The following TTBK2 variants were observed in gnomAD, a reference collection of about 807,000 sequenced individuals.
The protein encoded by TTBK2 is tau tubulin kinase 2.
In TTBK2, 28 loss-of-function variants were observed where a neutral mutation model predicts 110.8. The ratio of observed to expected loss-of-function variants is 0.25; its 90% CI spans 0.19 to 0.35. The LOEUF is 0.35. Ranked by LOEUF, TTBK2 falls within the 10% of genes least tolerant of loss-of-function variation. The pLI is 1.00. For synonymous variants in TTBK2, 532 were observed against 527.3 expected, an observed-to-expected ratio of 1.01 and a Z score of -0.12; for missense variants, 1,369 against 1,500.3, an observed-to-expected ratio of 0.91 and a Z score of 1.45.
chr15:42,879,534 T>C (rs1455293279), intron 1 of TTBK2, among the ~76,000 whole-genome samples: 1 of 151,980 alleles, frequency 6.6e-6, no homozygotes, highest in Non-Finnish European at 1.5e-5. Flanking sequence ...CTAGGCCACA[T>C]ACTGTATTCT....
chr15:42,767,589 A>G (rs144453618), intron 13 of TTBK2, among the ~76,000 whole-genome samples: 8,166 of 152,236 alleles, frequency 0.054, 627 homozygotes, highest in African/African-American at 0.16. Flanking sequence ...GAGTAGACCA[A>G]TAACAGGCTC....
intron 13 of TTBK2, among the ~76,000 whole-genome samples, chr15:42,767,623 G>A (rs1381273780): frequency 6.6e-6 from 1 of 152,090 alleles, no homozygotes; most frequent in Non-Finnish European, 1.5e-5. Context: ...ATAATTAATA[G>A]CCTACCAACC....
intron 8 of TTBK2, 25 bp from the exon 9 acceptor site, chr15:42,810,764 T>A: frequency 6.2e-7 from 1 of 1,612,834 alleles, no homozygotes; most frequent in East Asian, 2.2e-5. Flanking sequence ...GAAAAAGAGC[T>A]ACAGTCAATT....
At chr15:42,762,472 C>T (rs1416456690) in intron 13 of TTBK2, among the ~76,000 whole-genome samples, 4 of 152,156 alleles carry the variant, frequency 2.6e-5, no homozygotes, top group Non-Finnish European at 5.9e-5. Context: ...AATCCCAGAA[C>T]TTTGAAAGGC....
chr15:42,751,806 G>GA (rs2061869216), intron 14 of TTBK2, among the ~76,000 whole-genome samples, 168 bp downstream of exon 14: 2 of 152,180 alleles, frequency 1.3e-5, no homozygotes, highest in African/African-American at 4.8e-5. Flanking sequence ...CAATAAATTG[G>GA]AAAAAATCTG....
Position 42,878,653 on chromosome 15 carries a change from C to A in TTBK2, c.-36G>T. The A allele has an allele frequency of 1.9e-6, 3 of 1,613,676 alleles. No individual in the cohort carries two copies. ...TGATATGGTAGAACAGCTACACAGG[C>A]ATCCAGTTCCCAAGGGTGGTTTCCA... On this transcript the variant is annotated 5_prime_UTR_variant, in exon 2 of 15. It removes an upstream start codon present in the reference 5' UTR. Coordinates refer to ENST00000267890, the MANE Select transcript of TTBK2 (RefSeq NM_173500.4).
chr15:42,752,027 G>T lies in TTBK2; in HGVS notation c.3219C>A (p.Phe1073Leu). ...GCTTTCCTGGTGGTGGCCGAGGAAA[G>T]AACTGAGACGAAGTTGAGCTATTGA... ...DQVNSSTSSQ[F>L]FPRPPPGKPP... The change falls in exon 14 of 15, where the codon TTC (phenylalanine) becomes TTA (leucine). Residue 1073 changes from phenylalanine to leucine, a missense_variant. Transcript: ENST00000267890. 6.2e-7 allele frequency: 1 copy of T among 1,614,224 alleles called. No individual in the cohort carries two copies. The highest frequency in any genetic ancestry group is 8.5e-7 in the Non-Finnish European group (1 of 1,180,034).
chr15:42,816,340 C>G (rs1213682149), intron 7 of TTBK2, among the ~76,000 whole-genome samples: 1 of 150,974 alleles, frequency 6.6e-6, no homozygotes, highest in Non-Finnish European at 1.5e-5. Context: ...TGGTCTCAAA[C>G]TCCTGACCTT....
chr15:42,800,744 G>C (rs1891149247), intron 9 of TTBK2, among the ~76,000 whole-genome samples: 1 of 151,196 alleles, frequency 6.6e-6, no homozygotes, highest in Non-Finnish European at 1.5e-5. Context: ...GGCAGAGCTA[G>C]CCGAGGTTTA....
chr15:42,775,277 G>A lies in TTBK2; in HGVS notation c.1856C>T (p.Ala619Val), dbSNP rs1889858636. The change falls in exon 13 of 15, where the codon GCA (alanine) becomes GTA (valine). Residue 619 changes from alanine (A) to valine (V), a missense_variant. By Grantham distance (64) the Ala-to-Val change is moderately conservative. Around this residue, in one of 4 missense-constraint regions of TTBK2, gnomAD observed 1,097 missense variants for 1,114.7 expected, o/e 0.98. Transcript: ENST00000267890. ...LKKETSGVVL[A>V]LSAEGPPTAA... ...AGTAGGAGGACCCTCTGCAGAAAGT[G>A]CTAAGACCACACCTGAGGTTTCCTT... 6.2e-7 allele frequency: 1 copy of A among 1,614,196 alleles called. No individual in the cohort carries two copies. The highest frequency in any genetic ancestry group is 1.1e-5 in the South Asian group (1 of 91,074).
chr15:42,802,724 G>A (rs1891277760), intron 9 of TTBK2, among the ~76,000 whole-genome samples: 1 of 152,216 alleles, frequency 6.6e-6, no homozygotes, highest in Non-Finnish European at 1.5e-5. Flanking sequence ...ACAGTGTACT[G>A]TGATGGTTAA....
intron 3 of TTBK2, among the ~76,000 whole-genome samples, chr15:42,860,966 A>G (rs1179860332): frequency 6.6e-6 from 1 of 152,042 alleles, no homozygotes; most frequent in Non-Finnish European, 1.5e-5. Context: ...GGGTATTCTT[A>G]TATCAGACAA....
rs1567040856 is a variant in TTBK2 at position 42,816,092 on chromosome 15, AT to A, written c.603+939del. On this transcript the variant is annotated intron_variant, in intron 7 of 14. Transcript: ENST00000267890. ...TATAAAAATAAATAAATAAATATAT[AT>A]ATATATATATATATATATATATATA... Among the ~76,000 whole-genome samples the A allele has an allele frequency of 9.3e-5, 10 of 108,012 alleles. No individual in the cohort carries two copies. In the East Asian group the frequency reaches 2.6e-3, roughly 29 times the overall value. The allele number at this position is 108,012 out of a possible 152,430, so 70.9% of individuals were successfully genotyped here.
rs761383332 is a variant in TTBK2 at position 42,810,724 on chromosome 15, T to C, written c.712A>G (p.Ile238Val). 3 of 1,613,808 alleles carry C rather than the reference T, an allele frequency of 1.9e-6. No homozygotes were observed. Among genetic ancestry groups the C allele is most frequent in the Middle Eastern group, 1.7e-4 (1 of 6,058 alleles). The change falls in exon 9 of 15, where the codon ATT becomes GTT. Residue 238 changes from isoleucine (I) to valine (V), a missense_variant. Transcript: ENST00000267890. Reference protein sequence around the residue: ...KIKDKEQVGSIKERYDHRLML... With the variant: ...KIKDKEQVGSVKERYDHRLML... ...AGCCTGTGGTCATATCTCTCCTTAA[T>C]AGAGCCTACTTGCTCCTGGGAAGTA...
At chr15:42,818,301 C>T (rs1397656053) in intron 6 of TTBK2, among the ~76,000 whole-genome samples, 2 of 152,160 alleles carry the variant, frequency 1.3e-5, no homozygotes, top group African/African-American at 2.4e-5. Context: ...AAACTCTGTG[C>T]GGGCGAGGTC....
intron 13 of TTBK2, among the ~76,000 whole-genome samples, chr15:42,774,434 C>G (rs1889811681): frequency 6.6e-6 from 1 of 152,166 alleles, no homozygotes; most frequent in Non-Finnish European, 1.5e-5. Context: ...TTACTGGTAA[C>G]AGGATAACAG....
chr15:42,749,293 T>C (rs1387666113), intron 14 of TTBK2, among the ~76,000 whole-genome samples: 1 of 152,172 alleles, frequency 6.6e-6, no homozygotes, highest in Non-Finnish European at 1.5e-5. Flanking sequence ...TAGGAATCTG[T>C]CTCCCCACCT....
In TTBK2 at chr15:42,744,589, G is replaced by A. The variant is rs2061769325; in HGVS notation, c.*1206C>T. ...TAGAACAAATATCTTCCTCTTTACAGCTTCGTAAATTGAGATTGTATGAAA... is the reference window on the plus strand; with the variant it reads ...TAGAACAAATATCTTCCTCTTTACAACTTCGTAAATTGAGATTGTATGAAA... On this transcript the variant is annotated 3_prime_UTR_variant, in exon 15 of 15. Transcript: ENST00000267890. The A allele has an allele frequency of 6.6e-6, 1 of 152,084 alleles. No homozygotes were observed. Among genetic ancestry groups the A allele is most frequent in the Admixed American group, 6.6e-5 (1 of 15,266 alleles). 9.4% of individuals were successfully genotyped at this position (152,084 alleles called of 1,614,324 possible). A position where few individuals can be genotyped will look rare whatever the true frequency, so the allele number is the denominator to read the frequency against.
At chr15:42,892,679 TG>T (rs1895504052) in intron 1 of TTBK2, among the ~76,000 whole-genome samples, 1 of 123,784 alleles carries the variant, frequency 8.1e-6, no homozygotes, top group South Asian at 2.6e-4. Flanking sequence ...CACTCTAGCC[TG>T]GATGACAGAG....
Sources: allele counts gnomAD v4.1 joint callset (sites outside exome capture counted in the v4.1 genomes callset), GRCh38; gene constraint gnomAD v4.1.1; regional missense constraint gnomAD v4.1.1; transcripts MANE v1.5; gene names NCBI Gene and HGNC (gene_info 2026-07-23, HGNC 2026-07-21).